Variants in IGF1R observed in about 807,000 individuals in gnomAD.
The protein encoded by IGF1R is insulin like growth factor 1 receptor.
IGF1R carries 44 observed loss-of-function variants against 144.6 expected under a neutral mutation model. The ratio of observed to expected loss-of-function variants is 0.30; its 90% confidence interval spans 0.24 to 0.39. The LOEUF (loss-of-function observed/expected upper bound fraction) is 0.39, where lower values mean the gene tolerates loss of function less well. Ranked by LOEUF, IGF1R falls within the 10% of genes least tolerant of loss-of-function variation. IGF1R has a pLI of 1.00. For missense variants in IGF1R, 1,355 were observed against 1,833.7 expected (o/e 0.74, Z 4.77); for synonymous variants, 795 against 722.8 (o/e 1.10, Z -1.60).
At chr15:98,728,755 C>A (rs995248855) in intron 2 of IGF1R, among the ~76,000 whole-genome samples, 1 of 152,224 alleles carries the variant, frequency 6.6e-6, no homozygotes, top group African/African-American at 2.4e-5. Context: ...TGGTGATCAC[C>A]CTCTCTGTAA....
At chr15:98,662,821 T>C (rs1258332669) in intron 1 of IGF1R, among the ~76,000 whole-genome samples, 1 of 152,080 alleles carries the variant, frequency 6.6e-6, no homozygotes, top group Non-Finnish European at 1.5e-5. Context: ...GAAGGGACCA[T>C]GTGTGGTGTG....
intron 2 of IGF1R, among the ~76,000 whole-genome samples, chr15:98,756,095 G>A (rs1206989670): frequency 6.6e-6 from 1 of 151,934 alleles, no homozygotes; most frequent in Non-Finnish European, 1.5e-5. Flanking sequence ...TGTGACTGTA[G>A]CCTACAAAGC....
chr15:98,837,942 A>G (rs1389308203), intron 2 of IGF1R, among the ~76,000 whole-genome samples: 1 of 152,232 alleles, frequency 6.6e-6, no homozygotes, highest in African/African-American at 2.4e-5. Context: ...GAGACTCTGC[A>G]GAATGCCTTG....
At chr15:98,660,993 T>G (rs1268917147) in intron 1 of IGF1R, among the ~76,000 whole-genome samples, 1 of 152,108 alleles carries the variant, frequency 6.6e-6, no homozygotes, top group Non-Finnish European at 1.5e-5. Context: ...GGTAGGGTAC[T>G]TGCACACCTG....
intron 2 of IGF1R, among the ~76,000 whole-genome samples, chr15:98,784,187 C>G (rs943628063): frequency 8.6e-5 from 13 of 151,820 alleles, no homozygotes; most frequent in Admixed American, 5.9e-4. Flanking sequence ...GTTGACCAGG[C>G]TGGTTTCAAA....
chr15:98,885,589 G>A (rs1444642486), intron 2 of IGF1R, among the ~76,000 whole-genome samples: 1 of 152,070 alleles, frequency 6.6e-6, no homozygotes, highest in African/African-American at 2.4e-5. Context: ...GCCTCCCTGC[G>A]TTTATATGGA....
intron 2 of IGF1R, among the ~76,000 whole-genome samples, chr15:98,790,283 A>T (rs2056099223): frequency 6.6e-6 from 1 of 152,202 alleles, no homozygotes; most frequent in African/African-American, 2.4e-5. Flanking sequence ...TAGAAAGATC[A>T]TCACTCTTTT....
chr15:98,879,055 G>T (rs2013233413), intron 2 of IGF1R, among the ~76,000 whole-genome samples: 1 of 152,146 alleles, frequency 6.6e-6, no homozygotes, highest in South Asian at 2.1e-4. Flanking sequence ...GTCCATGCGT[G>T]AAGAAACCCG....
intron 2 of IGF1R, among the ~76,000 whole-genome samples, chr15:98,806,261 G>A (rs1451178049): frequency 1.3e-5 from 2 of 152,104 alleles, no homozygotes; most frequent in Non-Finnish European, 2.9e-5. Context: ...GGGGGGTGGC[G>A]TGGAGCTCCT....
intron 2 of IGF1R, among the ~76,000 whole-genome samples, chr15:98,760,942 A>G (rs1442168357): frequency 1.3e-5 from 2 of 152,384 alleles, no homozygotes; most frequent in South Asian, 2.1e-4. Flanking sequence ...TTATGAAAGC[A>G]TTTCAAAGTG....
intron 2 of IGF1R, among the ~76,000 whole-genome samples, chr15:98,878,394 C>T (rs1477722661): frequency 6.6e-6 from 1 of 152,196 alleles, no homozygotes; most frequent in African/African-American, 2.4e-5. Context: ...CTCTCAATTC[C>T]ACTTTAGTTA....
intron 17 of IGF1R, among the ~76,000 whole-genome samples, chr15:98,938,859 A>G (rs1265039451): frequency 6.6e-6 from 1 of 152,246 alleles, no homozygotes; most frequent in Non-Finnish European, 1.5e-5. Context: ...ACAAATAGGA[A>G]TTTGAGTAAC....
At chr15:98,711,041 C>A (rs1284799457) in intron 2 of IGF1R, among the ~76,000 whole-genome samples, 3 of 152,026 alleles carry the variant, frequency 2.0e-5, no homozygotes, top group African/African-American at 7.3e-5. Context: ...TGTTGGTAAG[C>A]TGCTTTAGAG....
intron 1 of IGF1R, among the ~76,000 whole-genome samples, chr15:98,666,290 C>CTT (rs556406397): frequency 1.1e-4 from 16 of 145,014 alleles, no homozygotes; most frequent in African/African-American, 3.0e-4. Flanking sequence ...ATGGCACAGC[C>CTT]TTTTTTTTTT....
Position 98,823,057 on chromosome 15 carries a change from C to A in IGF1R, c.641-68268C>A, listed in dbSNP as rs952800345. On this transcript the variant is annotated intron_variant, in intron 2 of 20. Coordinates refer to ENST00000650285, the MANE Select transcript of IGF1R (RefSeq NM_000875.5). ...AGCAGCCACCTTTTGCTTTTCTTCC[C>A]GTTCCCCCCACCTCATGCTGTGAAG... Among the ~76,000 whole-genome samples the A allele has an allele frequency of 7.2e-5, 11 of 152,292 alleles. No individual in the cohort carries two copies. The South Asian group carries it at 2.1e-3, about 29-fold the overall frequency.
chr15:98,720,282 T>C (rs2054216581), intron 2 of IGF1R, among the ~76,000 whole-genome samples: 1 of 152,090 alleles, frequency 6.6e-6, no homozygotes, highest in Non-Finnish European at 1.5e-5. Context: ...TGCATGAAAA[T>C]TGTGTACACT....
intron 2 of IGF1R, among the ~76,000 whole-genome samples, chr15:98,732,397 C>A (rs1376731345): frequency 6.6e-6 from 1 of 152,200 alleles, no homozygotes; most frequent in East Asian, 1.9e-4. Flanking sequence ...GTGGCCCTGT[C>A]TGCCTTCCCT....
At chr15:98,916,972 T>G (rs900582352) in intron 10 of IGF1R, 96 bp downstream of exon 10, 1 of 1,048,328 alleles carries the variant, frequency 9.5e-7, no homozygotes, top group African/African-American at 1.6e-5. Context: ...AGTCAGCAGC[T>G]GGGGGGTACA....
At chr15:98,880,900 CAG>C in intron 2 of IGF1R, 2 of 152,314 alleles carry the variant, frequency 1.3e-5, no homozygotes, top group South Asian at 2.1e-4. Flanking sequence ...TATCAGGAGA[CAG>C]AACAACAAGA....
Sources: gnomAD v4.1 joint callset for allele counts (sites outside exome capture counted in the v4.1 genomes callset) on GRCh38, gnomAD v4.1.1 for gene constraint, MANE v1.5 for transcripts, NCBI Gene and HGNC (gene_info 2026-07-23, HGNC 2026-07-21) for gene names.